Variants in MEIS2 observed in about 807,000 individuals in gnomAD.
The protein encoded by MEIS2 is homeobox protein Meis2.
In MEIS2, 9 loss-of-function variants were observed where a neutral mutation model predicts 58.6. The ratio of observed to expected loss-of-function variants is 0.15; its 90% CI spans 0.09 to 0.27. The LOEUF (loss-of-function observed/expected upper bound fraction) is 0.27. MEIS2 is among the 10% of genes least tolerant of loss of function. MEIS2 has a pLI of 1.00. For missense variants in MEIS2, 427 were observed against 635.0 expected (o/e 0.67, Z 3.52); for synonymous variants, 221 against 228.4 (o/e 0.97, Z 0.29).
At chr15:36,968,667 C>A (rs1427023917) in intron 8 of MEIS2, among the ~76,000 whole-genome samples, 1 of 152,168 alleles carries the variant, frequency 6.6e-6, no homozygotes, top group Admixed American at 6.5e-5. Context: ...GATGAAGTGG[C>A]TGAATTTTGC....
chr15:37,025,984 C>G (rs907647805), intron 8 of MEIS2, among the ~76,000 whole-genome samples: 2 of 151,956 alleles, frequency 1.3e-5, no homozygotes, highest in Non-Finnish European at 2.9e-5. Flanking sequence ...CAGAAACTAA[C>G]AGAAAAACTG....
At chr15:37,017,510 C>T (rs1035792626) in intron 8 of MEIS2, among the ~76,000 whole-genome samples, 2 of 152,090 alleles carry the variant, frequency 1.3e-5, no homozygotes, top group Non-Finnish European at 2.9e-5. Context: ...ACTTGGAAGG[C>T]TGAGGTGCAA....
At chr15:37,008,049 A>G (rs1457241580) in intron 8 of MEIS2, among the ~76,000 whole-genome samples, 1 of 152,232 alleles carries the variant, frequency 6.6e-6, no homozygotes, top group African/African-American at 2.4e-5. Flanking sequence ...GCAGAGAATT[A>G]AACAGTAGAA....
intron 9 of MEIS2, among the ~76,000 whole-genome samples, chr15:36,915,622 G>C (rs933575108): frequency 6.6e-6 from 1 of 152,170 alleles, no homozygotes; most frequent in South Asian, 2.1e-4. Flanking sequence ...AGAATCGTCA[G>C]CTGCTCAGTG....
chr15:37,070,293 C>T (rs965766862), intron 7 of MEIS2, among the ~76,000 whole-genome samples: 2 of 151,982 alleles, frequency 1.3e-5, no homozygotes, highest in African/African-American at 4.8e-5. Context: ...GATCCTGAGC[C>T]CATGCTGACC....
chr15:37,031,815 T>TCG lies in MEIS2; in HGVS notation c.900+4998_900+4999insCG, dbSNP rs2061937382. ...GCTGCATACATAATATTACATCACT[T>TCG]TGTGTGTGTGTGTGTGTGTGTGTGT... On this transcript the variant is annotated intron_variant, in intron 8 of 11. Transcript: ENST00000561208. 3.7e-5 allele frequency among the ~76,000 whole-genome samples: 5 copies of TCG among 134,208 alleles called. No individual in the cohort carries two copies. The South Asian group carries it at 1.0e-3, about 28-fold the overall frequency. 88.0% of individuals were successfully genotyped at this position (134,208 alleles called of 152,430 possible).
intron 8 of MEIS2, chr15:37,036,475 T>C (rs1182553021): frequency 6.0e-6 from 1 of 165,630 alleles, no homozygotes; most frequent in African/African-American, 2.4e-5. Flanking sequence ...TGTGAGCTCC[T>C]TACAGCCATT....
At position 36,892,034 on chromosome 15, in the gene MEIS2, T is replaced by G; in HGVS notation, c.*139A>C. ...TGTTCTTGTTGCATTGGTCCTCTGTTGCTTGATGAAAAATGACAAAAGTAA... is the reference window on the plus strand; with the variant it reads ...TGTTCTTGTTGCATTGGTCCTCTGTGGCTTGATGAAAAATGACAAAAGTAA... On this transcript the variant is annotated 3_prime_UTR_variant, in exon 12 of 12. Coordinates refer to ENST00000561208, the MANE Select transcript of MEIS2 (RefSeq NM_170675.5). 1.1e-6 allele frequency: 1 copy of G among 905,954 alleles called. No individual in the cohort carries two copies. Among genetic ancestry groups the G allele is most frequent in the South Asian group, 1.6e-5 (1 of 63,236 alleles). The allele number at this position is 905,954 out of a possible 1,614,324, so 56.1% of individuals were successfully genotyped here.
intron 9 of MEIS2, among the ~76,000 whole-genome samples, chr15:36,907,721 A>G (rs1223970485): frequency 3.9e-5 from 6 of 152,228 alleles, no homozygotes; most frequent in African/African-American, 1.2e-4. Context: ...AAAGGGAACC[A>G]TAAGTGAGAA....
intron 8 of MEIS2, among the ~76,000 whole-genome samples, chr15:37,010,675 G>A (rs112374261): frequency 7.9e-5 from 12 of 152,306 alleles, no homozygotes; most frequent in East Asian, 3.9e-4. Context: ...CACGGCACCC[G>A]GCCAAAAGCA....
chr15:37,059,622 C>CTT (rs373925698), intron 7 of MEIS2, among the ~76,000 whole-genome samples: 1 of 145,296 alleles, frequency 6.9e-6, no homozygotes, highest in African/African-American at 2.5e-5. Flanking sequence ...GTACTGCCTT[C>CTT]TTTTTTTTTT....
chr15:37,047,852 G>A lies in MEIS2; in HGVS notation c.755-10893C>T, dbSNP rs865925785. 1.8e-4 allele frequency among the ~76,000 whole-genome samples: 28 copies of A among 152,264 alleles called. 1 individual carries two copies. Among genetic ancestry groups the A allele is most frequent in the Middle Eastern group, 3.4e-3 (1 of 294 alleles). On this transcript the variant is annotated intron_variant, in intron 7 of 11. Transcript: ENST00000561208. ...CTAGAGGAAAACATTATTAAATTAT[G>A]CTCTAAGTATTTTGTCTGCTTTAGT... is the stretch of plus-strand genomic sequence containing the variant.
At chr15:36,985,329 A>T (rs1213123679) in intron 8 of MEIS2, among the ~76,000 whole-genome samples, 1 of 152,004 alleles carries the variant, frequency 6.6e-6, no homozygotes, top group Non-Finnish European at 1.5e-5. Context: ...GAGTATTTTA[A>T]TCTTGCTCTT....
chr15:36,929,538 G>A (rs966407253), intron 9 of MEIS2, among the ~76,000 whole-genome samples: 6 of 152,100 alleles, frequency 3.9e-5, no homozygotes, highest in African/African-American at 1.4e-4. Context: ...TTAAACTTCA[G>A]GGAGAATACA....
At chr15:36,980,246 A>T (rs972429624) in intron 8 of MEIS2, among the ~76,000 whole-genome samples, 2 of 152,136 alleles carry the variant, frequency 1.3e-5, no homozygotes, top group Non-Finnish European at 1.5e-5. Context: ...AGAAAATTTA[A>T]CTTTTTAATA....
At chr15:36,905,350 C>T (rs1307219901) in intron 9 of MEIS2, among the ~76,000 whole-genome samples, 1 of 152,042 alleles carries the variant, frequency 6.6e-6, no homozygotes, top group Non-Finnish European at 1.5e-5. Context: ...TCAATCATGC[C>T]ATGTTCTAGT....
chr15:37,032,815 A>C lies in MEIS2; in HGVS notation c.900+3999T>G, dbSNP rs1230787919. Among the ~76,000 whole-genome samples the C allele has an allele frequency of 2.0e-5, 3 of 152,238 alleles. No homozygotes were observed. In the East Asian group the frequency reaches 5.8e-4, roughly 29 times the overall value. On this transcript the variant is annotated intron_variant, in intron 8 of 11. Coordinates refer to ENST00000561208, the MANE Select transcript of MEIS2 (RefSeq NM_170675.5). ...AAATAGGGTAGTTCGAAACAAAAAA[A>C]TTGAGGCTAATTATTAATATTTAGC...
intron 8 of MEIS2, among the ~76,000 whole-genome samples, chr15:37,002,978 T>C (rs761900944): frequency 6.6e-6 from 1 of 152,182 alleles, no homozygotes; most frequent in Admixed American, 6.5e-5. Context: ...CTAAGTAATA[T>C]GGAAAGTCTA....
At chr15:37,015,485 A>AAACAC (rs2061318738) in intron 8 of MEIS2, among the ~76,000 whole-genome samples, 4 of 150,992 alleles carry the variant, frequency 2.6e-5, no homozygotes, top group Non-Finnish European at 5.9e-5. Flanking sequence ...CACACACACA[A>AAACAC]ACACACTTCT....
Sources: allele counts gnomAD v4.1 joint callset (sites outside exome capture counted in the v4.1 genomes callset), GRCh38; gene constraint gnomAD v4.1.1; transcripts MANE v1.5; gene names NCBI Gene and HGNC (gene_info 2026-07-23, HGNC 2026-07-21).